Variants in ROBO1 observed in about 807,000 individuals in gnomAD.
The protein encoded by ROBO1 is roundabout homolog 1.
ROBO1 carries 149 observed loss-of-function variants against 195.9 expected under a neutral mutation model. That is an observed-to-expected ratio of 0.76 (90% CI 0.67 to 0.87). The LOEUF (loss-of-function observed/expected upper bound fraction) is 0.87. Ranked by LOEUF, ROBO1 falls within the 40% of genes least tolerant of loss-of-function variation. The probability of loss-of-function intolerance (pLI) is 0.00; values close to 1 mark genes in which losing one functional copy is unlikely to be tolerated. For synonymous variants in ROBO1, 816 were observed against 733.2 expected, an observed-to-expected ratio of 1.11 and a Z score of -1.82; for missense variants, 1,933 against 2,068.3, an observed-to-expected ratio of 0.93 and a Z score of 1.27.
chr3:79,046,142 G>T lies in ROBO1; in HGVS notation c.172+79314C>A, dbSNP rs191269948. 8.1e-4 allele frequency among the ~76,000 whole-genome samples: 124 copies of T among 152,240 alleles called. 1 individual carries two copies. The highest frequency in any genetic ancestry group is 1.7e-3 in the Non-Finnish European group (114 of 68,000). On this transcript the variant is annotated intron_variant, in intron 3 of 30. Transcript: ENST00000464233. ...AGGTTTCAAAAAGATTGTGGTTTCT[G>T]CCTTGAGTGTTCTCTCTTGCTCCTT...
intron 2 of ROBO1, among the ~76,000 whole-genome samples, chr3:79,406,880 G>A (rs1193898478): frequency 1.3e-5 from 2 of 151,886 alleles, no homozygotes; most frequent in African/African-American, 4.8e-5. Context: ...TGATAGGGAA[G>A]TAGAAACATG....
intron 2 of ROBO1, among the ~76,000 whole-genome samples, chr3:79,138,772 T>C (rs1217357766): frequency 1.3e-5 from 2 of 151,912 alleles, no homozygotes; most frequent in South Asian, 4.1e-4. Flanking sequence ...AGATGAATTA[T>C]ATTTAAGTTT....
At position 79,534,517 on chromosome 3, in the gene ROBO1, C is replaced by A. The variant is rs575827584; in HGVS notation, c.88+55307G>T. Among the ~76,000 whole-genome samples the A allele has an allele frequency of 3.3e-5, 5 of 152,226 alleles. No individual in the cohort carries two copies. In the East Asian group the frequency reaches 7.7e-4, roughly 24 times the overall value. On this transcript the variant is annotated intron_variant, in intron 2 of 30. Coordinates refer to ENST00000464233, the MANE Select transcript of ROBO1 (RefSeq NM_002941.4). The stretch of plus-strand genomic sequence containing the variant: ...TCTGAGTATATTGTTAGATTCAATT[C>A]TCAGACAAAGCCTGAAAATCTCTGT...
chr3:79,586,024 C>T (rs961685904), intron 2 of ROBO1, among the ~76,000 whole-genome samples: 1 of 151,888 alleles, frequency 6.6e-6, no homozygotes, highest in Non-Finnish European at 1.5e-5. Flanking sequence ...TGCAACATTA[C>T]TTGTTAAATA....
chr3:78,697,477 C>A (rs373404576), intron 8 of ROBO1, among the ~76,000 whole-genome samples: 1 of 152,050 alleles, frequency 6.6e-6, no homozygotes. Context: ...GTACCGGGAC[C>A]AGCCAATTTT....
At chr3:79,228,058 T>C (rs1487228651) in intron 2 of ROBO1, among the ~76,000 whole-genome samples, 1 of 152,206 alleles carries the variant, frequency 6.6e-6, no homozygotes, top group African/African-American at 2.4e-5. Context: ...ATTTCTTCCA[T>C]GTTAAAGTGT....
chr3:79,135,408 A>G (rs2080386013), intron 2 of ROBO1, among the ~76,000 whole-genome samples: 2 of 152,142 alleles, frequency 1.3e-5, no homozygotes, highest in Admixed American at 1.3e-4. Context: ...AGTATACAAT[A>G]TCAGCTATGA....
chr3:78,975,004 A>G (rs1282685195), intron 3 of ROBO1, among the ~76,000 whole-genome samples: 2 of 152,088 alleles, frequency 1.3e-5, no homozygotes, highest in Non-Finnish European at 2.9e-5. Context: ...AATGCTGCCA[A>G]ATTAAATCAG....
chr3:79,563,937 C>T (rs4497999), intron 2 of ROBO1, among the ~76,000 whole-genome samples: 39,014 of 151,436 alleles, frequency 0.26, 5,914 homozygotes, highest in African/African-American at 0.42. Context: ...TAAGATTTAA[C>T]TTATGTAAAT....
chr3:79,346,033 G>T (rs181407145), intron 2 of ROBO1, among the ~76,000 whole-genome samples: 1 of 152,076 alleles, frequency 6.6e-6, no homozygotes, highest in Admixed American at 6.6e-5. Flanking sequence ...CGTAGGTCAA[G>T]AATAATTTCT....
chr3:79,179,133 T>C (rs1002882292), intron 2 of ROBO1, among the ~76,000 whole-genome samples: 103 of 151,896 alleles, frequency 6.8e-4, no homozygotes, highest in African/African-American at 2.4e-3. Context: ...CCACTAAAAA[T>C]AAACAAACAA....
At chr3:79,044,748 T>C (rs11921804) in intron 3 of ROBO1, among the ~76,000 whole-genome samples, 2,221 of 152,170 alleles carry the variant, frequency 0.015, 52 homozygotes, top group African/African-American at 0.046. Context: ...TTTGACTAAA[T>C]AGGCATATAG....
In ROBO1 at chr3:79,349,374, C is replaced by T. The variant is rs187985310; in HGVS notation, c.89-223835G>A. 1.8e-3 allele frequency among the ~76,000 whole-genome samples: 281 copies of T among 152,146 alleles called. 1 individual carries two copies. The highest frequency in any genetic ancestry group is 3.4e-3 in the Non-Finnish European group (233 of 67,980). ...TGAAGACCTAATATTGTTAAGATGG[C>T]AATATTCCCCTAATTGATCTACAGA... On this transcript the variant is annotated intron_variant, in intron 2 of 30. Transcript: ENST00000464233.
At chr3:79,254,096 A>T (rs1050246107) in intron 2 of ROBO1, among the ~76,000 whole-genome samples, 8 of 152,136 alleles carry the variant, frequency 5.3e-5, no homozygotes, top group African/African-American at 1.9e-4. Context: ...CTATCTCTGG[A>T]AAATCATTCT....
At chr3:78,974,143 T>C (rs897139038) in intron 3 of ROBO1, among the ~76,000 whole-genome samples, 1 of 152,176 alleles carries the variant, frequency 6.6e-6, no homozygotes, top group Non-Finnish European at 1.5e-5. Context: ...TCTTCAAATA[T>C]TACAGGCATC....
chr3:78,645,453 A>AG (rs1706221268), intron 21 of ROBO1, among the ~76,000 whole-genome samples: 1 of 7,414 alleles, frequency 1.3e-4, no homozygotes, highest in Non-Finnish European at 2.2e-4. Context: ...TGTTTTGGAG[A>AG]AAAAAAAAAC....
chr3:79,506,934 T>C (rs1449489443), intron 2 of ROBO1, among the ~76,000 whole-genome samples: 1 of 152,168 alleles, frequency 6.6e-6, no homozygotes, highest in Non-Finnish European at 1.5e-5. Context: ...ACAGAGTTCA[T>C]AGGAGGTTAC....
chr3:79,665,599 TA>T (rs1334191084), intron 1 of ROBO1, among the ~76,000 whole-genome samples: 1 of 151,896 alleles, frequency 6.6e-6, no homozygotes, highest in African/African-American at 2.4e-5. Context: ...TTTGAGTCTG[TA>T]AAATATGATG....
chr3:79,350,395 A>G (rs1015274340), intron 2 of ROBO1, among the ~76,000 whole-genome samples: 1 of 152,210 alleles, frequency 6.6e-6, no homozygotes, highest in Non-Finnish European at 1.5e-5. Flanking sequence ...CCGTTCCTCA[A>G]GAAGCTTAAC....
Sources: gnomAD v4.1 joint callset for allele counts (sites outside exome capture counted in the v4.1 genomes callset) on GRCh38, gnomAD v4.1.1 for gene constraint, MANE v1.5 for transcripts, NCBI Gene and HGNC (gene_info 2026-07-23, HGNC 2026-07-21) for gene names.